Variants in XKRX observed in about 807,000 individuals in gnomAD.
The protein encoded by XKRX is XK related X-linked, also known as XK-related protein 2.
Under a neutral mutation model 22.4 loss-of-function variants are expected in XKRX, and 11 were observed. That is an observed-to-expected ratio of 0.49 (90% CI 0.31 to 0.81). The LOEUF (loss-of-function observed/expected upper bound fraction) is 0.81, where lower values mean the gene tolerates loss of function less well. Among genes scored for constraint, XKRX ranks in the 40% least tolerant of loss-of-function variants. The pLI, the probability that XKRX is intolerant of heterozygous loss-of-function variation, is 0.05. For missense variants in XKRX, 320 were observed against 336.5 expected, an observed-to-expected ratio of 0.95 and a Z score of 0.38; for synonymous variants, 114 against 132.2, an observed-to-expected ratio of 0.86 and a Z score of 0.94.
At chrX:100,925,492 T>C (rs976154300) in intron 1 of XKRX, among the ~76,000 whole-genome samples, 12 of 111,808 alleles carry the variant, frequency 1.1e-4, no homozygotes, top group African/African-American at 3.9e-4. Context: ...TTCCCAATCA[T>C]TTCTAGTGGA....
At chrX:100,945,388 G>C in the XKRX span, among the ~76,000 whole-genome samples, 2 of 111,812 alleles carry the variant, frequency 1.8e-5, no homozygotes, top group South Asian at 7.4e-4. Flanking sequence ...CCAAGTGCTG[G>C]GATTATGGGC....
intron 2 of XKRX, among the ~76,000 whole-genome samples, chrX:100,917,682 G>GA (rs1181602011): frequency 6.4e-4 from 55 of 85,668 alleles, no homozygotes; most frequent in African/African-American, 2.2e-3. Flanking sequence ...AGAAAAGAAA[G>GA]AAAGAAAGAA....
downstream of XKRX, among the ~76,000 whole-genome samples, chrX:100,912,374 C>G (rs923044287): frequency 0.036 from 4 of 112 alleles, no homozygotes; most frequent in Non-Finnish European, 0.059. Flanking sequence ...CAGTCTCTCC[C>G]AAATTAAGTT....
At chrX:100,905,429 G>A in the XKRX span, among the ~76,000 whole-genome samples, 2 of 112,084 alleles carry the variant, frequency 1.8e-5, no homozygotes, top group African/African-American at 3.2e-5. Context: ...CACACACTGT[G>A]TGTGAATCAT....
chrX:100,889,523 C>A, the XKRX span, among the ~76,000 whole-genome samples: 5 of 110,628 alleles, frequency 4.5e-5, no homozygotes, highest in African/African-American at 1.6e-4. Context: ...AGATGTGAGG[C>A]ACTGTGCCTG....
At chrX:100,938,348 G>T in the XKRX span, among the ~76,000 whole-genome samples, 1 of 111,792 alleles carries the variant, frequency 8.9e-6, no homozygotes, top group Non-Finnish European at 1.9e-5. Flanking sequence ...TGTGGGATTG[G>T]CCGGGTGCAG....
At chrX:100,896,632 T>G in the XKRX span, among the ~76,000 whole-genome samples, 1 of 111,832 alleles carries the variant, frequency 8.9e-6, no homozygotes, top group Non-Finnish European at 1.9e-5. Flanking sequence ...TCTGGATGTA[T>G]CTTGTTAACT....
the XKRX span, chrX:100,957,107 C>A: frequency 8.6e-7 from 1 of 1,157,226 alleles, no homozygotes; most frequent in South Asian, 1.8e-5. Context: ...TCAGTCTTTA[C>A]AATCCTGCCA....
At chrX:100,930,598 G>A (rs1222162080), upstream of XKRX, among the ~76,000 whole-genome samples, 1 of 111,492 alleles carries the variant, frequency 9.0e-6, no homozygotes, top group Non-Finnish European at 1.9e-5. Context: ...AGCTGGGCTA[G>A]GAGGCTGCTC....
chrX:100,945,806 CAAAAAAAAA>C, the XKRX span, among the ~76,000 whole-genome samples: 1 of 31,852 alleles, frequency 3.1e-5, no homozygotes, highest in African/African-American at 1.1e-4. Context: ...ATTCTGTCTC[CAAAAAAAAA>C]AAAAAAAAAA....
chrX:100,950,926 C>T, the XKRX span, among the ~76,000 whole-genome samples: 3 of 111,345 alleles, frequency 2.7e-5, no homozygotes, highest in Admixed American at 2.9e-4. Flanking sequence ...GGACTAAACA[C>T]TTACATTAGA....
downstream of XKRX, among the ~76,000 whole-genome samples, chrX:100,911,825 C>G (rs769141637): frequency 9.0e-5 from 10 of 111,533 alleles, no homozygotes; most frequent in African/African-American, 3.3e-4. Flanking sequence ...TAATGTATCA[C>G]TAGAGTCTTT....
At chrX:100,918,670 T>A (rs1203878896) in intron 2 of XKRX, among the ~76,000 whole-genome samples, 4 of 111,838 alleles carry the variant, frequency 3.6e-5, no homozygotes. Context: ...ATGAGAATGA[T>A]AATTATCTCA....
At chrX:100,925,736 G>T (rs186359068) in intron 1 of XKRX, among the ~76,000 whole-genome samples, 11 of 111,942 alleles carry the variant, frequency 9.8e-5, no homozygotes, top group Admixed American at 9.5e-4. Context: ...TCAAGATGAG[G>T]TCTTCCTTTT....
At chrX:100,938,571 G>T in the XKRX span, among the ~76,000 whole-genome samples, 2 of 111,721 alleles carry the variant, frequency 1.8e-5, no homozygotes, top group African/African-American at 6.5e-5. Context: ...AGAGGCTGCA[G>T]TGAGCCGAGA....
the XKRX span, chrX:100,957,576 C>A: frequency 1.2e-6 from 1 of 851,893 alleles, no homozygotes; most frequent in Non-Finnish European, 1.7e-6. Flanking sequence ...AACCGCAAAC[C>A]AGCACTATTT....
the XKRX span, chrX:100,956,658 C>T: frequency 1.8e-6 from 1 of 546,371 alleles, no homozygotes; most frequent in Non-Finnish European, 3.4e-6. Flanking sequence ...GACATGTGAC[C>T]CTCTTCCGCC....
chrX:100,955,744 C>A, the XKRX span, among the ~76,000 whole-genome samples: 1 of 111,997 alleles, frequency 8.9e-6, no homozygotes, highest in Non-Finnish European at 1.9e-5. Flanking sequence ...ATGTTTATAG[C>A]AGCTCTATTT....
chrX:100,922,677 T>A, intron 2 of XKRX, 116 bp downstream of exon 2: 3 of 760,113 alleles, frequency 3.9e-6, no homozygotes, highest in Non-Finnish European at 5.5e-6. Flanking sequence ...TAATTTTATT[T>A]AATTTTAAGT....
Sources: gnomAD v4.1 joint callset for allele counts (sites outside exome capture counted in the v4.1 genomes callset) on GRCh38, gnomAD v4.1.1 for gene constraint, MANE v1.5 for transcripts, NCBI Gene and HGNC (gene_info 2026-07-23, HGNC 2026-07-21) for gene names.